SYTL5: variants seen among roughly 807,000 people sequenced by gnomAD.
SYTL5 encodes synaptotagmin like 5.
In SYTL5, 34 loss-of-function variants were observed where a neutral mutation model predicts 55.9. The ratio of observed to expected loss-of-function variants is 0.61; its 90% confidence interval spans 0.46 to 0.81. SYTL5 has a LOEUF of 0.81. Ranked by LOEUF, SYTL5 falls within the 30% of genes least tolerant of loss-of-function variation. The probability of loss-of-function intolerance (pLI) is 0.00; values close to 1 mark genes in which losing one functional copy is unlikely to be tolerated. For synonymous variants in SYTL5, 221 were observed against 188.7 expected, an observed-to-expected ratio of 1.17 and a Z score of -1.40; for missense variants, 637 against 546.7, an observed-to-expected ratio of 1.17 and a Z score of -1.65.
the SYTL5 span, among the ~76,000 whole-genome samples, chrX:37,990,266 A>G: frequency 8.9e-6 from 1 of 111,774 alleles, no homozygotes; most frequent in Non-Finnish European, 1.9e-5. Flanking sequence ...AACACATGCT[A>G]AAAGAAAAAG....
At chrX:37,907,099 A>G in the SYTL5 span, among the ~76,000 whole-genome samples, 1 of 112,461 alleles carries the variant, frequency 8.9e-6, no homozygotes, top group Middle Eastern at 4.6e-3. Flanking sequence ...TTTGTGGTTC[A>G]TATTGATAAC....
intron 6 of SYTL5, among the ~76,000 whole-genome samples, chrX:38,080,949 T>G (rs143734036): frequency 3.6e-5 from 4 of 111,877 alleles, no homozygotes; most frequent in African/African-American, 1.3e-4. Flanking sequence ...AGATAAAACA[T>G]TACATAGCTA....
chrX:38,086,054 A>T (rs1477535926), intron 6 of SYTL5, among the ~76,000 whole-genome samples: 1 of 111,542 alleles, frequency 9.0e-6, no homozygotes, highest in African/African-American at 3.3e-5. Context: ...TGGGCAGGAA[A>T]ACCATAACCG....
the SYTL5 span, among the ~76,000 whole-genome samples, chrX:37,954,217 A>C: frequency 1.3e-4 from 14 of 111,735 alleles, no homozygotes; most frequent in Non-Finnish European, 1.9e-5. Context: ...GGCCTGAGTA[A>C]TTTCAGAAGA....
At chrX:38,086,036 T>C (rs1936654418) in intron 6 of SYTL5, among the ~76,000 whole-genome samples, 2 of 111,482 alleles carry the variant, frequency 1.8e-5, no homozygotes, top group South Asian at 7.6e-4. Flanking sequence ...AGTCCAGCAG[T>C]GGTGGGCTGG....
intron 1 of SYTL5, among the ~76,000 whole-genome samples, chrX:38,018,118 G>A (rs1934421494): frequency 9.1e-6 from 1 of 110,342 alleles, no homozygotes; most frequent in African/African-American, 3.3e-5. Flanking sequence ...AAAGGCCTGG[G>A]CAAAACTCTT....
chrX:38,070,527 C>A (rs999306682), intron 3 of SYTL5, among the ~76,000 whole-genome samples: 2 of 111,060 alleles, frequency 1.8e-5, no homozygotes, highest in African/African-American at 6.5e-5. Context: ...CCTCTGGTTT[C>A]TCTCTTCTTC....
chrX:38,032,608 T>G (rs1048214350), intron 1 of SYTL5, among the ~76,000 whole-genome samples: 2 of 111,602 alleles, frequency 1.8e-5, no homozygotes, highest in Non-Finnish European at 3.8e-5. Flanking sequence ...ATTTCCTAAT[T>G]TGCCTATATT....
chrX:38,066,612 C>G (rs1602361549), intron 3 of SYTL5, among the ~76,000 whole-genome samples: 1 of 110,741 alleles, frequency 9.0e-6, no homozygotes, highest in East Asian at 2.8e-4. Context: ...TCTTTTACCC[C>G]TTCTGTATTC....
chrX:38,095,416 T>A lies in SYTL5; in HGVS notation c.962-718T>A, dbSNP rs1046314735. Among the ~76,000 whole-genome samples the A allele has an allele frequency of 2.7e-5, 3 of 112,030 alleles. No homozygotes were observed. In the Admixed American group the frequency reaches 2.8e-4, roughly 11 times the overall value. On this transcript the variant is annotated intron_variant, in intron 8 of 16. Coordinates refer to ENST00000297875, the MANE Select transcript of SYTL5 (RefSeq NM_138780.3). ...TTAAGTACTTGATTACTCTCTCCAA[T>A]CTTTCTCATTTATAAGTAACTATAT...
intron 2 of SYTL5, among the ~76,000 whole-genome samples, chrX:38,040,129 G>A (rs1382417448): frequency 1.2e-4 from 13 of 108,327 alleles, no homozygotes; most frequent in African/African-American, 3.7e-4. Flanking sequence ...AGCCGAGGTC[G>A]CACCACTGCA....
chrX:37,988,810 A>G, the SYTL5 span, among the ~76,000 whole-genome samples: 2 of 112,251 alleles, frequency 1.8e-5, no homozygotes, highest in Admixed American at 1.9e-4. Context: ...AGCATCAGAA[A>G]TCCTACCTGA....
rs1160886654 is a variant in SYTL5, at chrX:38,125,355, G to A, written c.1899G>A (p.Lys633=). ...ATKHKTLVIK[K]SVNPQWNHTF... is the part of the protein sequence containing the mutation. Reference sequence around the variant, plus strand: ...AGCACAAAACTCTGGTAATAAAAAAGAGTGTTAACCCTCAGTGGAATCATA... The same window carrying A: ...AGCACAAAACTCTGGTAATAAAAAAAAGTGTTAACCCTCAGTGGAATCATA... The change falls in exon 16 of 17, where the codon AAG becomes AAA. Residue 633 remains lysine (K), a synonymous_variant. Transcript: ENST00000297875. The A allele has an allele frequency of 8.3e-7, 1 of 1,210,333 alleles. No individual in the cohort carries two copies. The highest frequency in any genetic ancestry group is 1.1e-6 in the Non-Finnish European group (1 of 895,125).
the SYTL5 span, among the ~76,000 whole-genome samples, chrX:37,893,626 TC>T: frequency 1.5e-5 from 1 of 67,064 alleles, no homozygotes; most frequent in African/African-American, 1.6e-4. Flanking sequence ...CTATATATAA[TC>T]TATATATATA....
At chrX:38,109,017 C>T (rs892750091) in intron 12 of SYTL5, among the ~76,000 whole-genome samples, 1 of 112,217 alleles carries the variant, frequency 8.9e-6, no homozygotes, top group Admixed American at 9.4e-5. Context: ...CTTTTTCTGA[C>T]TTCCGTAAAA....
the SYTL5 span, among the ~76,000 whole-genome samples, chrX:37,918,953 G>C: frequency 9.1e-6 from 1 of 110,436 alleles, no homozygotes; most frequent in African/African-American, 3.3e-5. Flanking sequence ...GTGAGTGTGT[G>C]TGTGTGTGTG....
chrX:37,990,785 C>G, the SYTL5 span: 1 of 1,142,832 alleles, frequency 8.8e-7, no homozygotes, highest in Non-Finnish European at 1.2e-6. Context: ...CCTCAGAGAC[C>G]TACTTGAGCT....
the SYTL5 span, among the ~76,000 whole-genome samples, chrX:37,942,500 C>T: frequency 1.8e-5 from 2 of 111,464 alleles, no homozygotes; most frequent in Non-Finnish European, 3.8e-5. Context: ...CCTCCACCCC[C>T]TTATCTCTAA....
intron 12 of SYTL5, 139 bp from the exon 13 acceptor site, chrX:38,110,182 C>T: frequency 2.5e-6 from 1 of 393,279 alleles, no homozygotes; most frequent in Non-Finnish European, 4.1e-6. Flanking sequence ...CAAAGAAAAA[C>T]AAAGAGTTTT....
Sources: allele counts gnomAD v4.1 joint callset (sites outside exome capture counted in the v4.1 genomes callset), GRCh38; gene constraint gnomAD v4.1.1; transcripts MANE v1.5; gene names NCBI Gene and HGNC (gene_info 2026-07-23, HGNC 2026-07-21).